Variants in MACROD2 observed in about 807,000 individuals in gnomAD.
MACROD2 encodes the protein ADP-ribose glycohydrolase MACROD2.
In MACROD2, 36 loss-of-function variants were observed where a neutral mutation model predicts 70.4. The observed-to-expected ratio is 0.51, with a 90% CI of 0.39 to 0.68. The LOEUF is 0.68. Ranked by LOEUF, MACROD2 falls within the 30% of genes least tolerant of loss-of-function variation. The probability of loss-of-function intolerance (pLI) is 0.00; values close to 1 mark genes in which losing one functional copy is unlikely to be tolerated. For synonymous variants in MACROD2, 172 were observed against 178.8 expected (o/e 0.96, Z 0.30); for missense variants, 496 against 538.4 (o/e 0.92, Z 0.78).
intron 5 of MACROD2, among the ~76,000 whole-genome samples, chr20:15,178,970 T>G (rs570743286): frequency 3.3e-5 from 5 of 152,232 alleles, no homozygotes; most frequent in Non-Finnish European, 7.4e-5. Context: ...AAGGGAGGAT[T>G]GGGCAAGATG....
At chr20:14,188,496 T>A (rs930306563) in intron 3 of MACROD2, among the ~76,000 whole-genome samples, 9 of 152,164 alleles carry the variant, frequency 5.9e-5, no homozygotes, top group African/African-American at 2.2e-4. Flanking sequence ...ATTCTGTATA[T>A]GAAATAGTTT....
chr20:14,208,874 A>G (rs1449606155), intron 3 of MACROD2, among the ~76,000 whole-genome samples: 1 of 152,264 alleles, frequency 6.6e-6, no homozygotes, highest in Non-Finnish European at 1.5e-5. Flanking sequence ...ATGTTGATCC[A>G]TTCTCCTAAA....
intron 8 of MACROD2, among the ~76,000 whole-genome samples, chr20:15,859,989 G>T (rs916765279): frequency 6.6e-6 from 1 of 152,078 alleles, no homozygotes; most frequent in Non-Finnish European, 1.5e-5. Context: ...CAAAAAATTA[G>T]CCGGGCATGG....
intron 2 of MACROD2, among the ~76,000 whole-genome samples, chr20:14,064,374 G>C (rs1263408971): frequency 6.6e-6 from 1 of 152,056 alleles, no homozygotes; most frequent in African/African-American, 2.4e-5. Context: ...TGAGCATCAA[G>C]ACCTGTACAT....
intron 8 of MACROD2, among the ~76,000 whole-genome samples, chr20:15,755,553 G>A (rs887876797): frequency 3.3e-5 from 5 of 152,028 alleles, no homozygotes; most frequent in African/African-American, 1.2e-4. Flanking sequence ...TCTACAAAGG[G>A]CTCAAAAACC....
intron 3 of MACROD2, among the ~76,000 whole-genome samples, chr20:14,230,243 A>G (rs2081789254): frequency 6.6e-6 from 1 of 152,234 alleles, no homozygotes; most frequent in Non-Finnish European, 1.5e-5. Context: ...GTAGCACGGG[A>G]TGCTGTTTGA....
chr20:15,137,693 A>G (rs1476316434), intron 5 of MACROD2, among the ~76,000 whole-genome samples: 1 of 152,038 alleles, frequency 6.6e-6, no homozygotes, highest in African/African-American at 2.4e-5. Flanking sequence ...CATGTACCCT[A>G]AAACTTAAAG....
At chr20:14,042,503 C>A (rs963419873) in intron 2 of MACROD2, among the ~76,000 whole-genome samples, 3 of 150,642 alleles carry the variant, frequency 2.0e-5, no homozygotes, top group African/African-American at 5.0e-5. Flanking sequence ...CAATTCAATT[C>A]TTTTCTTCTT....
At chr20:15,398,623 T>A (rs1231719551) in intron 6 of MACROD2, among the ~76,000 whole-genome samples, 1 of 152,208 alleles carries the variant, frequency 6.6e-6, no homozygotes, top group African/African-American at 2.4e-5. Context: ...ATTCCAGAGT[T>A]AAGTTATTCA....
chr20:14,001,553 T>G (rs1430678815), intron 1 of MACROD2, among the ~76,000 whole-genome samples: 1 of 152,100 alleles, frequency 6.6e-6, no homozygotes, highest in Non-Finnish European at 1.5e-5. Flanking sequence ...TCTTACTGTG[T>G]TAGACTGTTC....
At chr20:14,955,824 G>C (rs1456192868) in intron 5 of MACROD2, among the ~76,000 whole-genome samples, 1 of 152,134 alleles carries the variant, frequency 6.6e-6, no homozygotes, top group Admixed American at 6.6e-5. Flanking sequence ...AGAGGGGGAA[G>C]CGAAGGAGTT....
intron 5 of MACROD2, among the ~76,000 whole-genome samples, chr20:15,120,034 A>AC (rs1287926786): frequency 6.6e-6 from 1 of 152,166 alleles, no homozygotes; most frequent in Non-Finnish European, 1.5e-5. Flanking sequence ...CATATTTATC[A>AC]CCCCTAGGAT....
At chr20:15,639,735 T>C (rs777329469) in intron 8 of MACROD2, among the ~76,000 whole-genome samples, 3 of 152,178 alleles carry the variant, frequency 2.0e-5, no homozygotes, top group Non-Finnish European at 4.4e-5. Context: ...GCCATGTTTG[T>C]TCAGTGGGAC....
intron 4 of MACROD2, among the ~76,000 whole-genome samples, chr20:14,570,025 T>C (rs1568676074): frequency 6.6e-6 from 1 of 152,150 alleles, no homozygotes; most frequent in East Asian, 1.9e-4. Context: ...TTTCTAAGTC[T>C]ATAACCAACA....
chr20:14,279,211 C>T (rs1372185723), intron 3 of MACROD2, among the ~76,000 whole-genome samples: 1 of 152,190 alleles, frequency 6.6e-6, no homozygotes, highest in African/African-American at 2.4e-5. Flanking sequence ...CTTCTAGTTT[C>T]TTACGACAGA....
chr20:15,524,113 A>G (rs1035696090), intron 8 of MACROD2, among the ~76,000 whole-genome samples: 5 of 152,182 alleles, frequency 3.3e-5, no homozygotes, highest in Admixed American at 2.6e-4. Flanking sequence ...AACACTGAAG[A>G]GATTCTACTT....
chr20:15,185,658 A>G (rs2076529901), intron 5 of MACROD2, among the ~76,000 whole-genome samples: 1 of 152,210 alleles, frequency 6.6e-6, no homozygotes, highest in Non-Finnish European at 1.5e-5. Flanking sequence ...TCTGATAACA[A>G]AGTTAAAATT....
chr20:14,825,841 G>T (rs569976324), intron 5 of MACROD2, among the ~76,000 whole-genome samples: 10 of 152,242 alleles, frequency 6.6e-5, no homozygotes, highest in Middle Eastern at 3.4e-3. Context: ...GTTAAACAGG[G>T]CTCATTATGG....
chr20:15,558,024 A>G lies in MACROD2; in HGVS notation c.645+58177A>G, dbSNP rs977100797. On this transcript the variant is annotated intron_variant, in intron 8 of 17. Coordinates refer to ENST00000684519, the MANE Select transcript of MACROD2 (RefSeq NM_001351661.2). ...TGTAATACGCTTTACTCAAATCTCAATCAATCTCTACCCAATTCTATGTGG... is the reference window on the plus strand; with the variant it reads ...TGTAATACGCTTTACTCAAATCTCAGTCAATCTCTACCCAATTCTATGTGG... Among the ~76,000 whole-genome samples the G allele has an allele frequency of 2.0e-5, 3 of 152,184 alleles. No homozygotes were observed. The South Asian group carries it at 6.2e-4, about 32-fold the overall frequency.
Sources: gnomAD v4.1 joint callset for allele counts (sites outside exome capture counted in the v4.1 genomes callset) on GRCh38, gnomAD v4.1.1 for gene constraint, MANE v1.5 for transcripts, NCBI Gene and HGNC (gene_info 2026-07-23, HGNC 2026-07-21) for gene names.